TNPO1: variants seen among roughly 807,000 people sequenced by gnomAD.
TNPO1 encodes the protein transportin-1.
Under a neutral mutation model 119.5 loss-of-function variants are expected in TNPO1, and 8 were observed. That is an observed-to-expected ratio of 0.07 (90% confidence interval 0.04 to 0.12). TNPO1 has a LOEUF of 0.12. TNPO1 is among the 10% of genes least tolerant of loss of function. TNPO1 has a pLI of 1.00. For synonymous variants in TNPO1, 362 were observed against 363.0 expected, an observed-to-expected ratio of 1.00 and a Z score of 0.03; for missense variants, 576 against 1,089.8, an observed-to-expected ratio of 0.53 and a Z score of 6.64.
Position 72,848,503 on chromosome 5 carries a change from C to T in TNPO1, c.129+5C>T. On this transcript the variant is annotated splice_donor_5th_base_variant and intron_variant, in intron 2 of 24. Coordinates refer to ENST00000337273, the MANE Select transcript of TNPO1 (RefSeq NM_002270.4). ...ATCCAGAGAACCGTGCAACAAGTAT[C>T]CTTTCCGAGGCCTGGCCGCCACCCG... 6.5e-7 allele frequency: 1 copy of T among 1,549,116 alleles called. No homozygotes were observed. The highest frequency in any genetic ancestry group is 8.7e-7 in the Non-Finnish European group (1 of 1,145,448).
rs1312907077 is a variant in TNPO1 at position 72,868,452 on chromosome 5, AAAAAAAAC to A, written c.596+2725_596+2732del. 1.1e-3 allele frequency among the ~76,000 whole-genome samples: 166 copies of A among 147,878 alleles called. 1 individual carries two copies. The highest frequency in any genetic ancestry group is 4.0e-3 in the African/African-American group (163 of 40,886). On this transcript the variant is annotated intron_variant, in intron 6 of 24. Coordinates refer to ENST00000337273, the MANE Select transcript of TNPO1 (RefSeq NM_002270.4). ...GTCTCAAAAAAAAAAAAAAAAAAAAAAAAAAAACACAAAATAATATATCAGGCATTTGT... is the reference window on the plus strand; with the variant it reads ...GTCTCAAAAAAAAAAAAAAAAAAAAAACAAAATAATATATCAGGCATTTGT...
At chr5:72,851,046 A>G (rs1304166670) in intron 2 of TNPO1, among the ~76,000 whole-genome samples, 198 bp from the exon 3 acceptor site, 3 of 152,180 alleles carry the variant, frequency 2.0e-5, no homozygotes, top group Non-Finnish European at 2.9e-5. Context: ...GCCATAAAGC[A>G]CCTAAGAGGT....
chr5:72,847,970 GT>G, intron 1 of TNPO1: 1 of 772,686 alleles, frequency 1.3e-6, no homozygotes, highest in Non-Finnish European at 1.6e-6. Context: ...TTTCGCAGGG[GT>G]TTTGATAAGG....
rs1750616440 is a variant in TNPO1 at position 72,912,247 on chromosome 5, A to G, written c.*3574A>G. On this transcript the variant is annotated 3_prime_UTR_variant, in exon 25 of 25. Transcript: ENST00000337273. ...CACTTAACCAAGCCATTACATCTTAAAAACAAAACAAGTAGCATACATTTT... is the reference window on the plus strand; with the variant it reads ...CACTTAACCAAGCCATTACATCTTAGAAACAAAACAAGTAGCATACATTTT... 6.6e-6 allele frequency: 1 copy of G among 152,526 alleles called. No homozygotes were observed. Among genetic ancestry groups the G allele is most frequent in the East Asian group, 1.9e-4 (1 of 5,202 alleles). 9.4% of individuals were successfully genotyped at this position (152,526 alleles called of 1,614,324 possible). A position where few individuals can be genotyped will look rare whatever the true frequency, so the allele number is the denominator to read the frequency against.
At chr5:72,853,571 G>C (rs1351361637) in intron 3 of TNPO1, among the ~76,000 whole-genome samples, 1 of 152,024 alleles carries the variant, frequency 6.6e-6, no homozygotes, top group African/African-American at 2.4e-5. Flanking sequence ...ACCCTAAAAT[G>C]TGTTTCTTAT....
intron 9 of TNPO1, among the ~76,000 whole-genome samples, chr5:72,879,999 A>G (rs1273774692): frequency 6.6e-6 from 1 of 151,994 alleles, no homozygotes; most frequent in Non-Finnish European, 1.5e-5. Context: ...ACCAGCCTGG[A>G]CAACATGGTG....
At chr5:72,858,268 G>T (rs1042684496) in intron 4 of TNPO1, among the ~76,000 whole-genome samples, 1 of 152,156 alleles carries the variant, frequency 6.6e-6, no homozygotes, top group African/African-American at 2.4e-5. Flanking sequence ...ATTAATGACT[G>T]CTGAAGCTAG....
chr5:72,851,226 AAC>A lies in TNPO1; in HGVS notation c.130-17_130-16del. On this transcript the variant is annotated splice_polypyrimidine_tract_variant and intron_variant, in intron 2 of 24. Transcript: ENST00000337273. ...TGAGATTACACAGAGAAGTTTCCTTAACTACTGTTTGTTCTAGAAACTGGAAC... is the reference window on the plus strand; with the variant it reads ...TGAGATTACACAGAGAAGTTTCCTTATACTGTTTGTTCTAGAAACTGGAAC... 3 of 1,491,828 alleles carry A rather than the reference AAC, an allele frequency of 2.0e-6. No homozygotes were observed. The highest frequency in any genetic ancestry group is 2.8e-6 in the Non-Finnish European group (3 of 1,078,314). 92.4% of individuals were successfully genotyped at this position (1,491,828 alleles called of 1,614,324 possible). A position where few individuals can be genotyped will look rare whatever the true frequency, so the allele number is the denominator to read the frequency against.
Position 72,891,816 on chromosome 5 carries a change from A to G in TNPO1, c.1708A>G (p.Ile570Val). 6.2e-7 allele frequency: 1 copy of G among 1,604,370 alleles called. No homozygotes were observed. Among genetic ancestry groups the G allele is most frequent in the Non-Finnish European group, 8.5e-7 (1 of 1,173,748 alleles). Residue 570 changes from isoleucine (I) to valine (V), a missense_variant, in exon 15 of 25, where the codon ATT becomes GTT. By Grantham distance (29) the Ile-to-Val change is conservative. Transcript: ENST00000337273. ...VGHHLNKPEY[I>V]QMLMPPLIQK... is the part of the protein sequence containing the mutation. ...TTTTCATCATTGTAAATAGGAATAT[A>G]TTCAGATGCTAATGCCTCCACTGAT... is the stretch of plus-strand genomic sequence containing the variant.
intron 6 of TNPO1, among the ~76,000 whole-genome samples, chr5:72,868,458 A>AAAAAC (rs1554052270): frequency 5.8e-4 from 66 of 113,410 alleles, no homozygotes; most frequent in Non-Finnish European, 9.8e-4. Context: ...AAAAAAAAAA[A>AAAAAC]ACACAAAATA....
chr5:72,898,137 T>C (rs1378223636), intron 20 of TNPO1, among the ~76,000 whole-genome samples: 1 of 152,092 alleles, frequency 6.6e-6, no homozygotes, highest in Non-Finnish European at 1.5e-5. Context: ...ATAGGATGGG[T>C]TATGAAATCT....
intron 6 of TNPO1, among the ~76,000 whole-genome samples, chr5:72,869,472 A>G (rs1460487205): frequency 2.6e-5 from 4 of 151,888 alleles, no homozygotes; most frequent in African/African-American, 9.7e-5. Context: ...ACTTGAACCC[A>G]GGAGGCGGAG....
chr5:72,904,376 T>C (rs1402823218), intron 23 of TNPO1, among the ~76,000 whole-genome samples: 1 of 152,246 alleles, frequency 6.6e-6, no homozygotes, highest in Non-Finnish European at 1.5e-5. Flanking sequence ...CAGAGATTGC[T>C]TAGAGTATAT....
chr5:72,857,991 T>C (rs1309176431), intron 4 of TNPO1, among the ~76,000 whole-genome samples: 2 of 152,248 alleles, frequency 1.3e-5, no homozygotes, highest in Non-Finnish European at 2.9e-5. Flanking sequence ...GGCATTTTTA[T>C]TTCTTGCTGT....
At chr5:72,882,981 T>C (rs1379500382) in intron 10 of TNPO1, 83 bp from the exon 11 acceptor site, 2 of 969,256 alleles carry the variant, frequency 2.1e-6, no homozygotes, top group African/African-American at 1.6e-5. Flanking sequence ...ACCCCATCTC[T>C]GGATATTCTG....
chr5:72,904,024 G>T (rs146473440), intron 23 of TNPO1, among the ~76,000 whole-genome samples: 1 of 152,144 alleles, frequency 6.6e-6, no homozygotes, highest in South Asian at 2.1e-4. Context: ...CACTAGTTTA[G>T]GTGGTCCCAT....
At chr5:72,891,414 G>A (rs1039891409) in intron 14 of TNPO1, among the ~76,000 whole-genome samples, 3 of 152,084 alleles carry the variant, frequency 2.0e-5, no homozygotes, top group Non-Finnish European at 4.4e-5. Flanking sequence ...GCAGTGAGCT[G>A]AGATCACGCC....
chr5:72,905,608 A>G, intron 24 of TNPO1, 163 bp downstream of exon 24: 1 of 374,476 alleles, frequency 2.7e-6, no homozygotes, highest in East Asian at 4.5e-5. Flanking sequence ...AAAATTACTT[A>G]AGTGGGCCAG....
chr5:72,839,072 A>G (rs1320122704), intron 1 of TNPO1, among the ~76,000 whole-genome samples: 1 of 152,146 alleles, frequency 6.6e-6, no homozygotes, highest in African/African-American at 2.4e-5. Context: ...AATCTGTGTC[A>G]CAGAAATGAA....
Sources: allele counts gnomAD v4.1 joint callset (sites outside exome capture counted in the v4.1 genomes callset), GRCh38; gene constraint gnomAD v4.1.1; transcripts MANE v1.5; gene names NCBI Gene and HGNC (gene_info 2026-07-23, HGNC 2026-07-21).